DPYD: variants seen among roughly 807,000 people sequenced by gnomAD.
DPYD encodes the protein dihydropyrimidine dehydrogenase.
A neutral mutation model predicts 116.2 loss-of-function variants in DPYD; 109 were observed. The observed-to-expected ratio is 0.94, with a 90% CI of 0.80 to 1.10. DPYD has a LOEUF of 1.10. DPYD is among the 50% of genes least tolerant of loss of function. The probability of loss-of-function intolerance (pLI) is 0.00; values close to 1 mark genes in which losing one functional copy is unlikely to be tolerated. For missense variants in DPYD, 1,302 were observed against 1,254.5 expected (o/e 1.04, Z -0.57); for synonymous variants, 440 against 432.0 (o/e 1.02, Z -0.23).
intron 20 of DPYD, among the ~76,000 whole-genome samples, chr1:97,117,516 T>C (rs1376044283): frequency 1.3e-5 from 2 of 152,212 alleles, no homozygotes; most frequent in Non-Finnish European, 2.9e-5. Flanking sequence ...ATTCATTCTA[T>C]AAAGTTAATA....
chr1:97,917,164 T>C (rs1213722788), intron 1 of DPYD, among the ~76,000 whole-genome samples: 1 of 152,136 alleles, frequency 6.6e-6, no homozygotes. Flanking sequence ...GCCCAGTCAA[T>C]AAAAGGAAGG....
chr1:97,873,412 T>C (rs1379481651), intron 2 of DPYD, among the ~76,000 whole-genome samples: 2 of 151,808 alleles, frequency 1.3e-5, no homozygotes, highest in Non-Finnish European at 2.9e-5. Context: ...TGCCCAAAAA[T>C]ATTCAGGAGA....
chr1:97,282,201 T>G (rs368745190), intron 18 of DPYD, among the ~76,000 whole-genome samples: 16 of 152,128 alleles, frequency 1.1e-4, no homozygotes, highest in African/African-American at 3.6e-4. Context: ...CATCATACTC[T>G]CTGAGTGAGA....
At chr1:97,825,509 A>C (rs1669188812) in intron 3 of DPYD, among the ~76,000 whole-genome samples, 1 of 151,560 alleles carries the variant, frequency 6.6e-6, no homozygotes, top group Non-Finnish European at 1.5e-5. Flanking sequence ...GCTGCTAAAG[A>C]GATCAAGCTA....
intron 3 of DPYD, among the ~76,000 whole-genome samples, chr1:97,825,267 C>T (rs1669177572): frequency 6.6e-6 from 1 of 151,974 alleles, no homozygotes; most frequent in Admixed American, 6.6e-5. Flanking sequence ...CAAAGACTGG[C>T]CAGAAAGAGA....
intron 13 of DPYD, among the ~76,000 whole-genome samples, chr1:97,474,016 T>TAAAA (rs35210810): frequency 7.6e-6 from 1 of 132,074 alleles, no homozygotes; most frequent in African/African-American, 2.9e-5. Flanking sequence ...AAACTGTCTT[T>TAAAA]AAAAAAAAAA....
intron 19 of DPYD, among the ~76,000 whole-genome samples, chr1:97,224,429 T>C (rs1278263622): frequency 6.6e-6 from 1 of 152,062 alleles, no homozygotes; most frequent in Non-Finnish European, 1.5e-5. Flanking sequence ...TGTTTTGTTA[T>C]ACATATACAC....
intron 2 of DPYD, among the ~76,000 whole-genome samples, chr1:97,846,311 T>C (rs1223692877): frequency 6.6e-6 from 1 of 152,138 alleles, no homozygotes; most frequent in Admixed American, 6.5e-5. Context: ...GTTGCATTCC[T>C]TTATTTAAAA....
chr1:97,663,690 T>A (rs751487505), intron 8 of DPYD, among the ~76,000 whole-genome samples: 4 of 152,196 alleles, frequency 2.6e-5, no homozygotes, highest in Non-Finnish European at 4.4e-5. Flanking sequence ...TAACTACAGA[T>A]AACTAAACAC....
chr1:97,897,269 T>C (rs1673122712), intron 1 of DPYD, among the ~76,000 whole-genome samples: 1 of 151,914 alleles, frequency 6.6e-6, no homozygotes, highest in African/African-American at 2.4e-5. Context: ...TATTGCTTTA[T>C]CTTTGTTCTT....
intron 14 of DPYD, among the ~76,000 whole-genome samples, chr1:97,426,837 A>C (rs963334467): frequency 1.3e-5 from 2 of 152,148 alleles, no homozygotes; most frequent in African/African-American, 4.8e-5. Flanking sequence ...TCTAGAAAAG[A>C]GGAGAGTTAA....
intron 14 of DPYD, among the ~76,000 whole-genome samples, chr1:97,402,913 A>G (rs1184078382): frequency 2.1e-5 from 3 of 145,358 alleles, no homozygotes; most frequent in African/African-American, 7.5e-5. Flanking sequence ...GAATTACATT[A>G]CCTGATTTTT....
At chr1:97,627,036 T>C (rs1204993314) in intron 8 of DPYD, among the ~76,000 whole-genome samples, 2 of 152,046 alleles carry the variant, frequency 1.3e-5, no homozygotes, top group Admixed American at 6.6e-5. Context: ...TGTCTGGATC[T>C]GGTGCAGGGC....
chr1:97,510,433 T>A (rs1001065932), intron 13 of DPYD, among the ~76,000 whole-genome samples: 2 of 151,988 alleles, frequency 1.3e-5, no homozygotes, highest in Non-Finnish European at 2.9e-5. Flanking sequence ...TCTTTCTATA[T>A]CACAGAATCC....
At chr1:97,731,026 AAT>A (rs199630367) in intron 4 of DPYD, among the ~76,000 whole-genome samples, 10 of 151,972 alleles carry the variant, frequency 6.6e-5, no homozygotes, top group Admixed American at 6.6e-5. Context: ...ATTAATGTGA[AAT>A]ATATATATAT....
intron 16 of DPYD, among the ~76,000 whole-genome samples, chr1:97,363,622 TA>T (rs1307270138): frequency 6.6e-6 from 1 of 151,922 alleles, no homozygotes; most frequent in Non-Finnish European, 1.5e-5. Flanking sequence ...TATGTAGCCA[TA>T]AAAAAAGGAT....
At chr1:97,103,857 A>G (rs908528469) in intron 20 of DPYD, among the ~76,000 whole-genome samples, 2 of 152,124 alleles carry the variant, frequency 1.3e-5, no homozygotes, top group Admixed American at 6.6e-5. Flanking sequence ...ATGCCTGCCA[A>G]TTTATTCCCA....
rs148361720 is a variant in DPYD, at chr1:97,594,693, C to T, written c.958+366G>A. 7.2e-5 allele frequency among the ~76,000 whole-genome samples: 11 copies of T among 152,150 alleles called. No homozygotes were observed. The East Asian group carries it at 1.5e-3, about 21-fold the overall frequency. The stretch of plus-strand genomic sequence containing the variant: ...AAATTACTGTTTAAGAGAAGACAGT[C>T]AATCTTTCTGCCTGTGTAGATACAA... On this transcript the variant is annotated intron_variant, in intron 9 of 22. Transcript: ENST00000370192.
At position 97,158,472 on chromosome 1, in the gene DPYD, G is replaced by GACACACACACACACAC. The variant is rs58771302; in HGVS notation, c.2622+34581_2622+34596dup. Among the ~76,000 whole-genome samples, 181 of 112,072 alleles carry GACACACACACACACAC rather than the reference G, an allele frequency of 1.6e-3. 11 individuals are homozygous for GACACACACACACACAC. Among genetic ancestry groups the GACACACACACACACAC allele is most frequent in the Non-Finnish European group, 2.2e-3 (118 of 54,382 alleles). 73.5% of individuals were successfully genotyped at this position (112,072 alleles called of 152,430 possible). ...GGCTTCTCCTGCAGATAACTCACCA[G>GACACACACACACACAC]ACACACACACACACACACACACACA... On this transcript the variant is annotated intron_variant, in intron 20 of 22. Transcript: ENST00000370192.
Sources: allele counts gnomAD v4.1 joint callset (sites outside exome capture counted in the v4.1 genomes callset), GRCh38; gene constraint gnomAD v4.1.1; transcripts MANE v1.5; gene names NCBI Gene and HGNC (gene_info 2026-07-23, HGNC 2026-07-21).